The following CELSR1 variants were observed in gnomAD, a reference collection of about 807,000 sequenced individuals.
CELSR1 encodes the protein cadherin EGF LAG seven-pass G-type receptor 1, also known as adhesion G protein-coupled receptor C1.
In CELSR1, 110 loss-of-function variants were observed where a neutral mutation model predicts 249.1. That is an observed-to-expected ratio of 0.44 (90% CI 0.38 to 0.52). The LOEUF (loss-of-function observed/expected upper bound fraction) is 0.52. Ranked by LOEUF, CELSR1 falls within the 20% of genes least tolerant of loss-of-function variation. The pLI is 0.00. For missense variants in CELSR1, 4,109 were observed against 4,296.4 expected (o/e 0.96, Z 1.22); for synonymous variants, 2,113 against 1,900.0 (o/e 1.11, Z -2.92).
intron 20 of CELSR1, 47 bp from the exon 21 acceptor site, chr22:46,382,097 T>C (rs907425471): frequency 2.1e-6 from 3 of 1,448,410 alleles, no homozygotes; most frequent in Non-Finnish European, 2.7e-6. Context: ...GCACCTGTGT[T>C]CCCCAAGACT....
In CELSR1 at chr22:46,527,355, G is replaced by C. The variant is rs756034088; in HGVS notation, c.3544+6272C>G. Among the ~76,000 whole-genome samples the C allele has an allele frequency of 1.5e-4, 23 of 152,072 alleles. No homozygotes were observed. The highest frequency in any genetic ancestry group is 3.2e-4 in the Non-Finnish European group (22 of 68,004). ...AGCTGGGACATGGGACCCAGCTCTTGCCTAAATCCTCCCGAGGGGGCCCAC... is the reference window on the plus strand; with the variant it reads ...AGCTGGGACATGGGACCCAGCTCTTCCCTAAATCCTCCCGAGGGGGCCCAC... On this transcript the variant is annotated intron_variant, in intron 1 of 34. Transcript: ENST00000674500. The surrounding 1 kb of genome is among the most constrained non-coding windows in gnomAD (Gnocchi z 5.5).
chr22:46,426,868 G>T (rs9616005), intron 5 of CELSR1, among the ~76,000 whole-genome samples: 1 of 152,220 alleles, frequency 6.6e-6, no homozygotes, highest in African/African-American at 2.4e-5. Context: ...CAAACCTGCA[G>T]GTGCTCAGGC....
At chr22:46,510,474 T>G (rs2080561940) in intron 1 of CELSR1, among the ~76,000 whole-genome samples, 1 of 152,140 alleles carries the variant, frequency 6.6e-6, no homozygotes, top group South Asian at 2.1e-4. Flanking sequence ...CTCTTCAATG[T>G]AAGGGCCCCA....
intron 1 of CELSR1, among the ~76,000 whole-genome samples, chr22:46,503,398 A>T (rs995331829): frequency 2.0e-4 from 31 of 152,336 alleles, no homozygotes; most frequent in African/African-American, 7.5e-4. Flanking sequence ...GCCTGGGTGC[A>T]CTGATCTCCC....
chr22:46,479,569 G>C (rs781184115), intron 1 of CELSR1, among the ~76,000 whole-genome samples: 4 of 149,948 alleles, frequency 2.7e-5, no homozygotes, highest in Admixed American at 6.6e-5. Context: ...GGGTTCCAGG[G>C]GCCAGGGATA....
chr22:46,494,696 C>T (rs566439006), intron 1 of CELSR1, among the ~76,000 whole-genome samples: 6 of 151,934 alleles, frequency 3.9e-5, no homozygotes, highest in South Asian at 4.2e-4. Context: ...TAGTAGAGAC[C>T]GAGGTTTCAC....
At chr22:46,392,089 T>C (rs769737302) in intron 14 of CELSR1, among the ~76,000 whole-genome samples, 2 of 152,240 alleles carry the variant, frequency 1.3e-5, no homozygotes, top group African/African-American at 2.4e-5. Flanking sequence ...ACCTTCGTAT[T>C]TGTCCTAAAA....
Position 46,488,157 on chromosome 22 carries a change from CTGGGTGACAGCAGG to C in CELSR1, c.3545-23826_3545-23813del, listed in dbSNP as rs1555928411. On this transcript the variant is annotated intron_variant, in intron 1 of 34. Transcript: ENST00000674500. The surrounding 1 kb of genome is among the most constrained non-coding windows in gnomAD (Gnocchi z 4.7). ...GGAGGGCTCTGCAGGCTGACAGCAG[CTGGGTGACAGCAGG>C]AAGCAGCTGTGGTCAGCAGCCACTC... Among the ~76,000 whole-genome samples the C allele has an allele frequency of 1.3e-5, 2 of 151,902 alleles. No individual in the cohort carries two copies. The highest frequency in any genetic ancestry group is 2.9e-5 in the Non-Finnish European group (2 of 67,928).
intron 1 of CELSR1, among the ~76,000 whole-genome samples, chr22:46,492,032 C>T (rs2080372306): frequency 6.6e-6 from 1 of 152,228 alleles, no homozygotes; most frequent in Admixed American, 6.5e-5. Flanking sequence ...TAGCAAAAGG[C>T]TGGGCAAGGC....
At chr22:46,382,191 C>T in intron 20 of CELSR1, 141 bp from the exon 21 acceptor site, 1 of 752,612 alleles carries the variant, frequency 1.3e-6, no homozygotes, top group East Asian at 2.7e-5. Flanking sequence ...AAATCAAAAA[C>T]AGGACTTATC....
At chr22:46,365,513 G>A in intron 31 of CELSR1, 73 bp downstream of exon 31, 4 of 1,536,922 alleles carry the variant, frequency 2.6e-6, no homozygotes, top group East Asian at 4.8e-5. Flanking sequence ...TTCTTCAGGG[G>A]CAGTCTGTCC....
At chr22:46,424,871 C>T (rs553215294) in intron 5 of CELSR1, among the ~76,000 whole-genome samples, 8 of 152,214 alleles carry the variant, frequency 5.3e-5, no homozygotes, top group South Asian at 4.2e-4. Flanking sequence ...ACTTGGGAGC[C>T]GAGGCAGGAG....
rs1024996855 is a variant in CELSR1 at position 46,468,085 on chromosome 22, C to T, written c.3545-3740G>A. On this transcript the variant is annotated intron_variant, in intron 1 of 34. Coordinates refer to ENST00000674500, the MANE Select transcript of CELSR1 (RefSeq NM_001378328.1). The surrounding 1 kb of genome is among the most constrained non-coding windows in gnomAD (Gnocchi z 4.5). ...TGACCTGCGTCCACCGACAGATTAA[C>T]GGATTAAAACAATGTGGTCTGGCCA... Among the ~76,000 whole-genome samples the T allele has an allele frequency of 2.0e-5, 3 of 151,954 alleles. No individual in the cohort carries two copies. The highest frequency in any genetic ancestry group is 2.9e-5 in the Non-Finnish European group (2 of 67,992).
intron 2 of CELSR1, 38 bp from the exon 3 acceptor site, chr22:46,439,449 C>T (rs770129538): frequency 1.4e-5 from 21 of 1,552,812 alleles, no homozygotes; most frequent in South Asian, 3.5e-5. Flanking sequence ...AGGAGGTTAC[C>T]GACCAGCCAG....
At chr22:46,384,804 T>TTA in intron 19 of CELSR1, 118 bp from the exon 20 acceptor site, 1 of 1,168,992 alleles carries the variant, frequency 8.6e-7, no homozygotes, top group Non-Finnish European at 1.2e-6. Flanking sequence ...ATTTATTTAT[T>TTA]TTTGAGGTGG....
At chr22:46,376,941 A>G in intron 24 of CELSR1, 120 bp downstream of exon 24, 1 of 985,252 alleles carries the variant, frequency 1.0e-6, no homozygotes, top group Non-Finnish European at 1.5e-6. Context: ...GCATCTGTGA[A>G]GCAGAGGTGG....
Position 46,398,759 on chromosome 22 carries a change from G to C in CELSR1, c.5413-122C>G. 3 of 698,822 alleles carry C rather than the reference G, an allele frequency of 4.3e-6. No homozygotes were observed. Among genetic ancestry groups the C allele is most frequent in the South Asian group, 2.1e-5 (1 of 47,902 alleles). 43.3% of individuals were successfully genotyped at this position (698,822 alleles called of 1,614,324 possible). On this transcript the variant is annotated intron_variant, in intron 10 of 34. Coordinates refer to ENST00000674500, the MANE Select transcript of CELSR1 (RefSeq NM_001378328.1). This position sits in a 1 kb window ranked among gnomAD's most constrained non-coding sequence, Gnocchi z 7.2. ...CTTCAACAAACTCCGCAGAGCCTGA[G>C]GACATCTGGGCCTCCAAAGAGAGAG...
chr22:46,530,525 A>T (rs1002630938), intron 1 of CELSR1: 1 of 152,162 alleles, frequency 6.6e-6, no homozygotes, highest in African/African-American at 2.4e-5. Context: ...CACAGCCTTT[A>T]TACAAGCTCA....
chr22:46,510,826 T>TGCTGGCC (rs2080565642), intron 1 of CELSR1, among the ~76,000 whole-genome samples: 1 of 152,134 alleles, frequency 6.6e-6, no homozygotes, highest in African/African-American at 2.4e-5. Flanking sequence ...AAACACAAAG[T>TGCTGGCC]GCTGGCCGGG....
Sources: allele counts gnomAD v4.1 joint callset (sites outside exome capture counted in the v4.1 genomes callset), GRCh38; gene constraint gnomAD v4.1.1; non-coding constraint Gnocchi (gnomAD v3.1); transcripts MANE v1.5; gene names NCBI Gene and HGNC (gene_info 2026-07-23, HGNC 2026-07-21).